CACUL1: variants seen among roughly 807,000 people sequenced by gnomAD.
CACUL1 encodes CDK2-associated and cullin domain-containing protein 1.
A neutral mutation model predicts 45.2 loss-of-function variants in CACUL1; 13 were observed. The observed-to-expected ratio is 0.29, with a 90% confidence interval of 0.19 to 0.46. CACUL1 has a LOEUF of 0.46. CACUL1 is among the 20% of genes least tolerant of loss of function. The probability of loss-of-function intolerance (pLI) is 1.00; values close to 1 mark genes in which losing one functional copy is unlikely to be tolerated. For synonymous variants in CACUL1, 197 were observed against 174.2 expected (o/e 1.13, Z -1.03); for missense variants, 421 against 471.4 (o/e 0.89, Z 0.99).
chr10:118,705,213 T>G (rs536775953), intron 4 of CACUL1, among the ~76,000 whole-genome samples: 1 of 152,242 alleles, frequency 6.6e-6, no homozygotes, highest in South Asian at 2.1e-4. Context: ...TAATAAAAAC[T>G]TCAAGCTATT....
chr10:118,698,440 A>G (rs909675489), intron 5 of CACUL1, among the ~76,000 whole-genome samples: 7 of 152,120 alleles, frequency 4.6e-5, no homozygotes, highest in Non-Finnish European at 8.8e-5. Flanking sequence ...CATCGCGCCC[A>G]GCCGACATGC....
At chr10:118,686,503 G>T (rs1006631911) in intron 8 of CACUL1, 95 bp downstream of exon 8, 27 of 970,862 alleles carry the variant, frequency 2.8e-5, no homozygotes, top group Non-Finnish European at 4.3e-5. Flanking sequence ...AACAACATGG[G>T]TATCATCAAA....
In CACUL1 at chr10:118,678,564, T is replaced by C. The variant is rs1164471792; in HGVS notation, c.*7564A>G. ...GCAATTTGGAGAAAAAGTTGAGATT[T>C]AGATAATATTGAGTGTTATCCCTTA... On this transcript the variant is annotated 3_prime_UTR_variant, in exon 9 of 9. Transcript: ENST00000369151. 3 of 152,224 alleles carry C rather than the reference T, an allele frequency of 2.0e-5. No homozygotes were observed. Among genetic ancestry groups the C allele is most frequent in the African/African-American group, 7.2e-5 (3 of 41,466 alleles). 9.4% of individuals were successfully genotyped at this position (152,224 alleles called of 1,614,324 possible).
At chr10:118,699,239 A>C (rs1450004601) in intron 5 of CACUL1, among the ~76,000 whole-genome samples, 2 of 152,242 alleles carry the variant, frequency 1.3e-5, no homozygotes, top group Non-Finnish European at 2.9e-5. Context: ...TACAATGCCT[A>C]ACAACTGCTC....
At chr10:118,713,853 A>T (rs916952156) in intron 3 of CACUL1, among the ~76,000 whole-genome samples, 1 of 152,222 alleles carries the variant, frequency 6.6e-6, no homozygotes, top group African/African-American at 2.4e-5. Flanking sequence ...GTTCTCGCTA[A>T]CTTTTGGTCT....
At chr10:118,701,269 C>T (rs970600204) in intron 5 of CACUL1, 37 bp downstream of exon 5, 6 of 1,107,340 alleles carry the variant, frequency 5.4e-6, no homozygotes, top group Non-Finnish European at 6.5e-6. Context: ...AAGATCATTG[C>T]TAGTGTTATC....
At chr10:118,750,878 G>A (rs1384639645) in intron 1 of CACUL1, among the ~76,000 whole-genome samples, 1 of 152,152 alleles carries the variant, frequency 6.6e-6, no homozygotes, top group Admixed American at 6.5e-5. Context: ...ATATTTTTAT[G>A]AGGTATATGG....
chr10:118,697,913 T>C (rs2119566400), intron 5 of CACUL1, among the ~76,000 whole-genome samples: 1 of 152,292 alleles, frequency 6.6e-6, no homozygotes, highest in South Asian at 2.1e-4. Flanking sequence ...CAGCCAAAAA[T>C]AGAAGCCACT....
chr10:118,730,258 C>T, intron 2 of CACUL1, 26 bp downstream of exon 2: 1 of 1,612,358 alleles, frequency 6.2e-7, no homozygotes, highest in South Asian at 1.1e-5. Flanking sequence ...CCCTTTCAAA[C>T]CCAAGCAAAT....
At chr10:118,711,953 G>T (rs1845489682) in intron 3 of CACUL1, among the ~76,000 whole-genome samples, 1 of 152,136 alleles carries the variant, frequency 6.6e-6, no homozygotes, top group South Asian at 2.1e-4. Context: ...TAAAATTTAA[G>T]TTCAATACAC....
chr10:118,715,553 G>A (rs1174401770), intron 3 of CACUL1, among the ~76,000 whole-genome samples: 2 of 152,158 alleles, frequency 1.3e-5, no homozygotes, highest in Non-Finnish European at 2.9e-5. Context: ...TTTGGCTATT[G>A]AGCCTTGGAA....
intron 4 of CACUL1, among the ~76,000 whole-genome samples, chr10:118,701,992 A>C (rs757077276): frequency 1.3e-5 from 2 of 152,210 alleles, no homozygotes; most frequent in Non-Finnish European, 2.9e-5. Context: ...CTCTGAGCCC[A>C]AGCCTGCATG....
At chr10:118,691,791 T>C (rs9665558) in intron 6 of CACUL1, among the ~76,000 whole-genome samples, 119,238 of 149,078 alleles carry the variant, frequency 0.8, 47,491 homozygotes, top group Admixed American at 0.84. Flanking sequence ...GGCGTGAACC[T>C]GGGAGGCGGA....
intron 3 of CACUL1, among the ~76,000 whole-genome samples, chr10:118,714,778 T>C (rs1207521869): frequency 6.6e-6 from 1 of 152,218 alleles, no homozygotes; most frequent in Non-Finnish European, 1.5e-5. Context: ...TTTAATAAAA[T>C]TAATAATTTT....
intron 3 of CACUL1, chr10:118,726,249 C>T (rs1845650472): frequency 1.8e-6 from 2 of 1,119,854 alleles, no homozygotes; most frequent in African/African-American, 1.6e-5. Flanking sequence ...CCACACACAT[C>T]ACACTGAACA....
rs1589623861 is a variant in CACUL1 at position 118,754,932 on chromosome 10, T to G, written c.-170A>C. 8 of 905,350 alleles carry G rather than the reference T, an allele frequency of 8.8e-6. No individual in the cohort carries two copies. The East Asian group carries it at 2.6e-4, about 29-fold the overall frequency. 56.1% of individuals were successfully genotyped at this position (905,350 alleles called of 1,614,324 possible). On this transcript the variant is annotated 5_prime_UTR_variant, in exon 1 of 9. Transcript: ENST00000369151. ...TCGCTCTCCGCGGGGCCGACTAGCT[T>G]GAAGACGCGGCTGACGGCGGTGGGC... is the stretch of plus-strand genomic sequence containing the variant.
chr10:118,713,358 G>C (rs944792563), intron 3 of CACUL1, among the ~76,000 whole-genome samples: 3 of 152,180 alleles, frequency 2.0e-5, no homozygotes, highest in Non-Finnish European at 4.4e-5. Flanking sequence ...CTGTGGATTG[G>C]GTGGCTGCAG....
At chr10:118,707,613 C>G in intron 3 of CACUL1, 26 bp from the exon 4 acceptor site, 2 of 1,109,494 alleles carry the variant, frequency 1.8e-6, no homozygotes, top group Non-Finnish European at 2.7e-6. Context: ...GAAGTGTGAT[C>G]AATCTGGGAA....
At chr10:118,691,866 CAAAAAAAA>C (rs754241223) in intron 6 of CACUL1, among the ~76,000 whole-genome samples, 6 of 95,420 alleles carry the variant, frequency 6.3e-5, no homozygotes, top group East Asian at 3.9e-4. Context: ...GACTCCGTCT[CAAAAAAAA>C]AAAAAAAAAA....
Sources: allele counts gnomAD v4.1 joint callset (sites outside exome capture counted in the v4.1 genomes callset), GRCh38; gene constraint gnomAD v4.1.1; transcripts MANE v1.5; gene names NCBI Gene and HGNC (gene_info 2026-07-23, HGNC 2026-07-21).